The following BANK1 variants were observed in gnomAD, a reference collection of about 807,000 sequenced individuals.
BANK1 encodes B-cell scaffold protein with ankyrin repeats.
Under a neutral mutation model 94.5 loss-of-function variants are expected in BANK1, and 95 were observed. The observed-to-expected ratio is 1.00, with a 90% CI of 0.85 to 1.19. The LOEUF (loss-of-function observed/expected upper bound fraction) is 1.19. Ranked by LOEUF, BANK1 falls within the 50% of genes most tolerant of loss-of-function variation. BANK1 has a pLI of 0.00. For synonymous variants in BANK1, 334 were observed against 308.4 expected, an observed-to-expected ratio of 1.08 and a Z score of -0.87; for missense variants, 987 against 932.2, an observed-to-expected ratio of 1.06 and a Z score of -0.77.
intron 5 of BANK1, among the ~76,000 whole-genome samples, chr4:101,887,280 T>A (rs1441338687): frequency 2.0e-5 from 3 of 152,238 alleles, no homozygotes; most frequent in Non-Finnish European, 2.9e-5. Context: ...TGTATTGCAA[T>A]AGCAAAATCT....
intron 11 of BANK1, among the ~76,000 whole-genome samples, chr4:102,050,788 G>A (rs1179223539): frequency 1.3e-5 from 2 of 149,452 alleles, no homozygotes; most frequent in Non-Finnish European, 3.0e-5. Flanking sequence ...TGAGTAAAGG[G>A]ATATAGAGTC....
chr4:101,810,119 T>C (rs1415904729), intron 1 of BANK1, among the ~76,000 whole-genome samples: 2 of 152,134 alleles, frequency 1.3e-5, no homozygotes, highest in African/African-American at 2.4e-5. Flanking sequence ...GGCTTGAAGC[T>C]GGAGGAATGG....
At chr4:101,905,781 G>A (rs536938979) in intron 6 of BANK1, among the ~76,000 whole-genome samples, 7 of 152,274 alleles carry the variant, frequency 4.6e-5, no homozygotes, top group African/African-American at 4.8e-5. Flanking sequence ...CTGGCAAACA[G>A]TATTAGCATT....
At chr4:101,806,067 T>C (rs985327767) in intron 1 of BANK1, among the ~76,000 whole-genome samples, 8 of 152,058 alleles carry the variant, frequency 5.3e-5, no homozygotes, top group African/African-American at 1.9e-4. Flanking sequence ...GTGCCTAGAA[T>C]ATTAATATAT....
chr4:102,048,706 GAT>G (rs1409159028), intron 11 of BANK1, among the ~76,000 whole-genome samples: 1 of 152,190 alleles, frequency 6.6e-6, no homozygotes, highest in African/African-American at 2.4e-5. Flanking sequence ...GAAAAGGGAT[GAT>G]GAGAGCCAAC....
intron 6 of BANK1, among the ~76,000 whole-genome samples, chr4:101,907,934 T>C (rs1340646997): frequency 6.6e-6 from 1 of 152,226 alleles, no homozygotes; most frequent in Non-Finnish European, 1.5e-5. Flanking sequence ...GAACATTCCA[T>C]GCTCATGGGT....
At chr4:102,000,391 T>C (rs1726022644) in intron 7 of BANK1, among the ~76,000 whole-genome samples, 1 of 146,062 alleles carries the variant, frequency 6.8e-6, no homozygotes, top group South Asian at 2.2e-4. Context: ...AGGAAGCAAA[T>C]TGGGAATTGC....
At chr4:102,018,841 C>T (rs1403822545) in intron 7 of BANK1, among the ~76,000 whole-genome samples, 4 of 135,202 alleles carry the variant, frequency 3.0e-5, no homozygotes, top group African/African-American at 1.2e-4. Flanking sequence ...TTTTTTGAGA[C>T]AGAGTCTCGC....
chr4:101,908,857 A>T (rs914543952), intron 6 of BANK1, among the ~76,000 whole-genome samples: 1 of 152,242 alleles, frequency 6.6e-6, no homozygotes, highest in Admixed American at 6.5e-5. Context: ...CCACAATAAG[A>T]TACCATCTCA....
intron 7 of BANK1, among the ~76,000 whole-genome samples, chr4:101,967,256 T>C (rs1207710278): frequency 6.6e-6 from 1 of 152,048 alleles, no homozygotes; most frequent in Non-Finnish European, 1.5e-5. Context: ...ATCAGTACTA[T>C]TGCAATTCTC....
At chr4:101,927,006 T>C (rs1242440991) in intron 7 of BANK1, among the ~76,000 whole-genome samples, 1 of 151,590 alleles carries the variant, frequency 6.6e-6, no homozygotes, top group African/African-American at 2.4e-5. Flanking sequence ...ATGATGAGAA[T>C]TTGGTATTTT....
At chr4:101,901,605 T>C (rs528052809) in intron 6 of BANK1, among the ~76,000 whole-genome samples, 254 of 152,162 alleles carry the variant, frequency 1.7e-3, no homozygotes, top group African/African-American at 5.9e-3. Context: ...AAGGACAGAA[T>C]AGCAGATGCA....
chr4:102,020,177 T>TAA (rs5860711), intron 7 of BANK1, among the ~76,000 whole-genome samples: 1 of 151,510 alleles, frequency 6.6e-6, no homozygotes, highest in African/African-American at 2.4e-5. Flanking sequence ...AATAAATTAG[T>TAA]AAAAAAAAAT....
chr4:101,791,095 G>A (rs569055394), intron 1 of BANK1, 145 bp downstream of exon 1: 37 of 688,266 alleles, frequency 5.4e-5, no homozygotes, highest in Non-Finnish European at 8.2e-5. Flanking sequence ...TTATCCTGCC[G>A]CCAGGCAGCC....
At chr4:102,004,096 T>A (rs547225270) in intron 7 of BANK1, among the ~76,000 whole-genome samples, 1 of 152,082 alleles carries the variant, frequency 6.6e-6, no homozygotes, top group Non-Finnish European at 1.5e-5. Flanking sequence ...TGGCCTGTTA[T>A]ATATTTGTTT....
chr4:101,948,035 T>C (rs1723995662), intron 7 of BANK1, among the ~76,000 whole-genome samples: 2 of 152,094 alleles, frequency 1.3e-5, no homozygotes, highest in Non-Finnish European at 2.9e-5. Flanking sequence ...ATCACAACTA[T>C]TGTAATTCTA....
At chr4:101,906,003 T>C (rs1722435761) in intron 6 of BANK1, among the ~76,000 whole-genome samples, 1 of 152,224 alleles carries the variant, frequency 6.6e-6, no homozygotes, top group Admixed American at 6.5e-5. Context: ...GGCATCATCC[T>C]GCATGACCAA....
rs143319570 is a variant in BANK1, at chr4:101,979,822, T to A, written c.1207-41692T>A. On this transcript the variant is annotated intron_variant, in intron 7 of 16. Transcript: ENST00000322953. The stretch of plus-strand genomic sequence containing the variant: ...AATTAATGAAGATTAGTGCCCAATT[T>A]CTTGGCTATAAATTGTCAAACATAG... Among the ~76,000 whole-genome samples the A allele has an allele frequency of 2.5e-4, 38 of 152,012 alleles. 1 individual carries two copies. The highest frequency in any genetic ancestry group is 8.3e-4 in the South Asian group (4 of 4,824).
chr4:101,908,540 G>A (rs1578392005), intron 6 of BANK1, among the ~76,000 whole-genome samples: 1 of 152,144 alleles, frequency 6.6e-6, no homozygotes, highest in Non-Finnish European at 1.5e-5. Flanking sequence ...GGCAACAAAA[G>A]CCAAAATTGA....
Sources: gnomAD v4.1 joint callset for allele counts (sites outside exome capture counted in the v4.1 genomes callset) on GRCh38, gnomAD v4.1.1 for gene constraint, MANE v1.5 for transcripts, NCBI Gene and HGNC (gene_info 2026-07-23, HGNC 2026-07-21) for gene names.